Variants in PARD6G observed in about 807,000 individuals in gnomAD.
PARD6G encodes the protein par-6 family cell polarity regulator gamma, also known as partitioning defective 6 homolog gamma.
In PARD6G, 7 loss-of-function variants were observed where a neutral mutation model predicts 10.7. The observed-to-expected ratio is 0.66, with a 90% CI of 0.37 to 1.23. The LOEUF (loss-of-function observed/expected upper bound fraction) is 1.23. PARD6G is among the 50% of genes most tolerant of loss of function. PARD6G has a pLI of 0.02. For missense variants in PARD6G, 548 were observed against 571.8 expected (o/e 0.96, Z 0.42); for synonymous variants, 287 against 269.4 (o/e 1.07, Z -0.64).
intron 2 of PARD6G, chr18:80,170,809 T>A (rs989299984): frequency 6.6e-6 from 1 of 152,202 alleles, no homozygotes; most frequent in Admixed American, 6.5e-5. Context: ...TACTTTAGGG[T>A]CCTGTTTCTG....
At chr18:80,227,583 A>T (rs989463438) in intron 1 of PARD6G, among the ~76,000 whole-genome samples, 1 of 152,250 alleles carries the variant, frequency 6.6e-6, no homozygotes, top group African/African-American at 2.4e-5. Flanking sequence ...CTCAAGAAGG[A>T]AGCACTGAAT....
intron 1 of PARD6G, among the ~76,000 whole-genome samples, chr18:80,234,666 G>A (rs979086543): frequency 5.3e-5 from 8 of 152,200 alleles, no homozygotes; most frequent in East Asian, 3.9e-4. Flanking sequence ...CCAGCTACTC[G>A]GGAGGGAGGC....
At chr18:80,164,958 C>A (rs1037280706) in intron 2 of PARD6G, among the ~76,000 whole-genome samples, 1 of 152,184 alleles carries the variant, frequency 6.6e-6, no homozygotes, top group African/African-American at 2.4e-5. Flanking sequence ...AAAAGCGGAA[C>A]CACTGATAAG....
At position 80,201,250 on chromosome 18, in the gene PARD6G, T is replaced by C. The variant is rs185162360; in HGVS notation, c.295+1460A>G. On this transcript the variant is annotated intron_variant, in intron 2 of 2. Transcript: ENST00000353265. The surrounding 1 kb of genome is among the most constrained non-coding windows in gnomAD (Gnocchi z 5.9). Reference sequence around the variant, plus strand: ...ACCAGGCCTTCCTGAGAAGGCAGCCTGTGAACAGATACAGACACCCAGGCA... The same window carrying C: ...ACCAGGCCTTCCTGAGAAGGCAGCCCGTGAACAGATACAGACACCCAGGCA... Among the ~76,000 whole-genome samples, 2 of 152,116 alleles carry C rather than the reference T, an allele frequency of 1.3e-5. No homozygotes were observed. The highest frequency in any genetic ancestry group is 1.9e-4 in the East Asian group (1 of 5,162).
chr18:80,188,847 T>C lies in PARD6G; in HGVS notation c.295+13863A>G, dbSNP rs1599857133. 6.6e-6 allele frequency among the ~76,000 whole-genome samples: 1 copy of C among 152,154 alleles called. No homozygotes were observed. The highest frequency in any genetic ancestry group is 6.5e-5 in the Admixed American group (1 of 15,292). On this transcript the variant is annotated intron_variant, in intron 2 of 2. Transcript: ENST00000353265. This position sits in a 1 kb window ranked among gnomAD's most constrained non-coding sequence, Gnocchi z 5.4. ...TGGGCTTGCGGGGAAGTCAGGCGGGTGCAATCCCTACCGTTTCCCCACGTT... is the reference window on the plus strand; with the variant it reads ...TGGGCTTGCGGGGAAGTCAGGCGGGCGCAATCCCTACCGTTTCCCCACGTT...
At chr18:80,216,310 T>A (rs1967165574) in intron 1 of PARD6G, among the ~76,000 whole-genome samples, 1 of 152,106 alleles carries the variant, frequency 6.6e-6, no homozygotes, top group Non-Finnish European at 1.5e-5. Flanking sequence ...ACCCAACAAC[T>A]GCACAATAAA....
chr18:80,207,886 CTT>C (rs1034237543), intron 1 of PARD6G, among the ~76,000 whole-genome samples: 2 of 152,066 alleles, frequency 1.3e-5, no homozygotes, highest in Admixed American at 6.6e-5. Context: ...ACAAAAATCT[CTT>C]GAGGGAGTAA....
chr18:80,162,073 A>G (rs1352274320), intron 2 of PARD6G: 4 of 152,364 alleles, frequency 2.6e-5, no homozygotes, highest in Non-Finnish European at 5.9e-5. Context: ...GCTCTGGCAC[A>G]TGCTCCAGGC....
rs1296000520 is a variant in PARD6G at position 80,228,732 on chromosome 18, C to A, written c.72+18545G>T. 1.3e-5 allele frequency among the ~76,000 whole-genome samples: 2 copies of A among 151,276 alleles called. No homozygotes were observed. The highest frequency in any genetic ancestry group is 1.5e-5 in the Non-Finnish European group (1 of 67,774). ...TCTCCACCAAAGACCTGCCTCACAC[C>A]CCCAGGGGCCTGCCTCCCATCTAAG... On this transcript the variant is annotated intron_variant, in intron 1 of 2. Coordinates refer to ENST00000353265, the MANE Select transcript of PARD6G (RefSeq NM_032510.4). This position sits in a 1 kb window ranked among gnomAD's most constrained non-coding sequence, Gnocchi z 4.6.
At position 80,161,247 on chromosome 18, in the gene PARD6G, G is replaced by C. The variant is rs1049608577; in HGVS notation, c.296-641C>G. ...GGCTGCTTCCCTTCTGTGAGGTCCC[G>C]CACAGTCAGTGCTATTTGTAGGCAC... On this transcript the variant is annotated intron_variant, in intron 2 of 2. Transcript: ENST00000353265. The surrounding 1 kb of genome is among the most constrained non-coding windows in gnomAD (Gnocchi z 4.6). Among the ~76,000 whole-genome samples the C allele has an allele frequency of 6.6e-6, 1 of 152,014 alleles. No homozygotes were observed. Among genetic ancestry groups the C allele is most frequent in the Non-Finnish European group, 1.5e-5 (1 of 68,018 alleles).
intron 1 of PARD6G, among the ~76,000 whole-genome samples, chr18:80,239,719 C>T (rs767187692): frequency 8.5e-5 from 13 of 152,240 alleles, no homozygotes; most frequent in Non-Finnish European, 1.5e-5. Context: ...AAGTACCTCA[C>T]CTTTTCCCCT....
chr18:80,163,013 G>GA (rs1163882295), intron 2 of PARD6G, among the ~76,000 whole-genome samples: 5 of 152,180 alleles, frequency 3.3e-5, no homozygotes, highest in Admixed American at 3.3e-4. Flanking sequence ...GGATCCATGG[G>GA]GCCGCAGATG....
rs1220221449 is a variant in PARD6G at position 80,228,125 on chromosome 18, C to T, written c.72+19152G>A. ...CATTTACTAAACGACAGGTGACCAG[C>T]GTGAGGCAGGCCCCACCTTTGTTCA... On this transcript the variant is annotated intron_variant, in intron 1 of 2. Coordinates refer to ENST00000353265, the MANE Select transcript of PARD6G (RefSeq NM_032510.4). The surrounding 1 kb of genome is among the most constrained non-coding windows in gnomAD (Gnocchi z 4.6). Among the ~76,000 whole-genome samples, 5 of 152,160 alleles carry T rather than the reference C, an allele frequency of 3.3e-5. No homozygotes were observed. Among genetic ancestry groups the T allele is most frequent in the African/African-American group, 1.2e-4 (5 of 41,432 alleles).
chr18:80,225,782 T>C (rs976139114), intron 1 of PARD6G, among the ~76,000 whole-genome samples: 2 of 152,142 alleles, frequency 1.3e-5, no homozygotes, highest in African/African-American at 2.4e-5. Context: ...TCAATGTAGA[T>C]GCCCCCTCCC....
intron 1 of PARD6G, among the ~76,000 whole-genome samples, chr18:80,224,186 T>C (rs1339256654): frequency 6.6e-6 from 1 of 152,212 alleles, no homozygotes; most frequent in Non-Finnish European, 1.5e-5. Context: ...ATTATTCAAC[T>C]TCTATACTGA....
chr18:80,215,836 C>A (rs1304921440), intron 1 of PARD6G, among the ~76,000 whole-genome samples: 1 of 151,924 alleles, frequency 6.6e-6, no homozygotes, highest in East Asian at 1.9e-4. Flanking sequence ...TGGATTAAAA[C>A]ACAAAACACA....
Position 80,182,553 on chromosome 18 carries a change from T to A in PARD6G, c.295+20157A>T, listed in dbSNP as rs2052853508. 6.6e-6 allele frequency among the ~76,000 whole-genome samples: 1 copy of A among 152,232 alleles called. No individual in the cohort carries two copies. On this transcript the variant is annotated intron_variant, in intron 2 of 2. Coordinates refer to ENST00000353265, the MANE Select transcript of PARD6G (RefSeq NM_032510.4). The surrounding 1 kb of genome is among the most constrained non-coding windows in gnomAD (Gnocchi z 4.5). ...ATGCATTTCCCATAACATCTGAAAA[T>A]GTACACTAAAAATCAAGTCACACTT...
chr18:80,230,603 G>A (rs988084684), intron 1 of PARD6G, among the ~76,000 whole-genome samples: 1 of 152,178 alleles, frequency 6.6e-6, no homozygotes, highest in Non-Finnish European at 1.5e-5. Flanking sequence ...GCAGGGTGAC[G>A]GCTAAACCCA....
rs1015039077 is a variant in PARD6G, at chr18:80,180,350, C to T, written c.296-19744G>A. Among the ~76,000 whole-genome samples the T allele has an allele frequency of 1.3e-5, 2 of 152,176 alleles. No homozygotes were observed. Among genetic ancestry groups the T allele is most frequent in the Non-Finnish European group, 2.9e-5 (2 of 68,006 alleles). ...CAGCTGGGGCCGGCAGGTGAGGACA[C>T]GCAGCTGGGAGGGGCGCAGCCGGCA... On this transcript the variant is annotated intron_variant, in intron 2 of 2. Coordinates refer to ENST00000353265, the MANE Select transcript of PARD6G (RefSeq NM_032510.4). This position sits in a 1 kb window ranked among gnomAD's most constrained non-coding sequence, Gnocchi z 5.6.
Sources: allele counts gnomAD v4.1 joint callset (sites outside exome capture counted in the v4.1 genomes callset), GRCh38; gene constraint gnomAD v4.1.1; non-coding constraint Gnocchi (gnomAD v3.1); transcripts MANE v1.5; gene names NCBI Gene and HGNC (gene_info 2026-07-23, HGNC 2026-07-21).